Variants in SLC6A6 observed in about 807,000 individuals in gnomAD.
SLC6A6 encodes the protein solute carrier family 6 member 6, also known as sodium- and chloride-dependent taurine transporter.
A neutral mutation model predicts 68.8 loss-of-function variants in SLC6A6; 16 were observed. The observed-to-expected ratio is 0.23, with a 90% confidence interval of 0.16 to 0.35. The LOEUF (loss-of-function observed/expected upper bound fraction) is 0.35. SLC6A6 is among the 10% of genes least tolerant of loss of function. SLC6A6 has a pLI of 1.00. For synonymous variants in SLC6A6, 312 were observed against 315.4 expected (o/e 0.99, Z 0.12); for missense variants, 474 against 802.8 (o/e 0.59, Z 4.95).
chr3:14,477,823 G>A lies in SLC6A6; in HGVS notation c.1347+481G>A, dbSNP rs1054591559. ...AGGGGGCACATACACTATTCAGAGG[G>A]TGAGCAGGGGCCAGGAGGAGGGGCG... On this transcript the variant is annotated intron_variant, in intron 11 of 14. Coordinates refer to ENST00000622186, the MANE Select transcript of SLC6A6 (RefSeq NM_003043.6). The surrounding 1 kb of genome is among the most constrained non-coding windows in gnomAD (Gnocchi z 4.2). 5.3e-5 allele frequency among the ~76,000 whole-genome samples: 8 copies of A among 152,186 alleles called. No homozygotes were observed. The highest frequency in any genetic ancestry group is 1.2e-4 in the Non-Finnish European group (8 of 68,034).
At chr3:14,416,056 C>T (rs1699356678) in intron 1 of SLC6A6, among the ~76,000 whole-genome samples, 1 of 152,112 alleles carries the variant, frequency 6.6e-6, no homozygotes, top group South Asian at 2.1e-4. Context: ...TTTTGGGGAC[C>T]CTGCATCCAA....
chr3:14,436,368 T>C (rs750874353), intron 2 of SLC6A6, among the ~76,000 whole-genome samples: 2 of 149,166 alleles, frequency 1.3e-5, no homozygotes, highest in South Asian at 4.2e-4. Flanking sequence ...ACCTGGCTAA[T>C]TTTTTTTTAA....
rs28391680 is a variant in SLC6A6, at chr3:14,468,856, A to G, written c.1096+644A>G. On this transcript the variant is annotated intron_variant, in intron 9 of 14. Coordinates refer to ENST00000622186, the MANE Select transcript of SLC6A6 (RefSeq NM_003043.6). The surrounding 1 kb of genome is among the most constrained non-coding windows in gnomAD (Gnocchi z 4.5). ...TTGACCAGGCACTCTTCCTCGGGCTACCTGGAGTCACAGGCATGGAGGATG... is the reference window on the plus strand; with the variant it reads ...TTGACCAGGCACTCTTCCTCGGGCTGCCTGGAGTCACAGGCATGGAGGATG... Among the ~76,000 whole-genome samples, 3,099 of 152,226 alleles carry G rather than the reference A, an allele frequency of 0.02. 115 individuals carry two copies. Among genetic ancestry groups the G allele is most frequent in the African/African-American group, 0.07 (2,916 of 41,518 alleles).
At chr3:14,436,513 A>C (rs1699854298) in intron 2 of SLC6A6, among the ~76,000 whole-genome samples, 4 of 95,730 alleles carry the variant, frequency 4.2e-5, no homozygotes, top group African/African-American at 8.2e-5. Flanking sequence ...CAGGAATAGC[A>C]CTCTTAACAA....
chr3:14,449,763 T>C (rs1328050880), intron 5 of SLC6A6, among the ~76,000 whole-genome samples: 1 of 152,052 alleles, frequency 6.6e-6, no homozygotes, highest in Non-Finnish European at 1.5e-5. Flanking sequence ...TACTGTTATT[T>C]TGTTTTTGAG....
In SLC6A6 at chr3:14,468,419, G is replaced by A. The variant is rs1474711931; in HGVS notation, c.1096+207G>A. Among the ~76,000 whole-genome samples the A allele has an allele frequency of 0.012, 2 of 172 alleles. No homozygotes were observed. The highest frequency in any genetic ancestry group is 0.1 in the South Asian group (1 of 10). The allele number at this position is 172 out of a possible 152,430, so 0.1% of individuals were successfully genotyped here. A position where few individuals can be genotyped will look rare whatever the true frequency, so the allele number is the denominator to read the frequency against. ...AACATTTGTATTGCAATTTGGCCCT[G>A]ATGGGTGGCAAAAGCATGGGGGGTG... is the stretch of plus-strand genomic sequence containing the variant. On this transcript the variant is annotated intron_variant, in intron 9 of 14. Coordinates refer to ENST00000622186, the MANE Select transcript of SLC6A6 (RefSeq NM_003043.6). This position sits in a 1 kb window ranked among gnomAD's most constrained non-coding sequence, Gnocchi z 4.5.
intron 2 of SLC6A6, among the ~76,000 whole-genome samples, chr3:14,425,407 A>G (rs1472682113): frequency 6.6e-6 from 1 of 152,174 alleles, no homozygotes; most frequent in Non-Finnish European, 1.5e-5. Flanking sequence ...AGAGGCAGGG[A>G]GGGCCCCTCC....
At chr3:14,437,695 A>G (rs991919241) in intron 2 of SLC6A6, among the ~76,000 whole-genome samples, 3 of 152,098 alleles carry the variant, frequency 2.0e-5, no homozygotes, top group African/African-American at 7.2e-5. Flanking sequence ...ACACCATGAC[A>G]TACATAATAG....
chr3:14,451,620 G>A (rs1700252707), intron 5 of SLC6A6, among the ~76,000 whole-genome samples: 1 of 152,220 alleles, frequency 6.6e-6, no homozygotes, highest in African/African-American at 2.4e-5. Context: ...TGAATTGAAT[G>A]TGATTTTTGG....
In SLC6A6 at chr3:14,450,401, G is replaced by A. The variant is rs559277010; in HGVS notation, c.599+2585G>A. ...AGTATTTATCTTTGGAAAGTGTCTG[G>A]TTCTGCAGGCATCTTCCCAAGCTTC... On this transcript the variant is annotated intron_variant, in intron 5 of 14. Transcript: ENST00000622186. The surrounding 1 kb of genome is among the most constrained non-coding windows in gnomAD (Gnocchi z 4.1). 2.0e-5 allele frequency among the ~76,000 whole-genome samples: 3 copies of A among 152,176 alleles called. No homozygotes were observed. The highest frequency in any genetic ancestry group is 3.9e-4 in the East Asian group (2 of 5,168).
intron 9 of SLC6A6, among the ~76,000 whole-genome samples, chr3:14,469,487 A>G (rs1269531107): frequency 6.6e-6 from 1 of 152,206 alleles, no homozygotes; most frequent in African/African-American, 2.4e-5. Flanking sequence ...AAGGTGCCTC[A>G]GCATCGCGTG....
At position 14,450,061 on chromosome 3, in the gene SLC6A6, T is replaced by C. The variant is rs1700220703; in HGVS notation, c.599+2245T>C. Among the ~76,000 whole-genome samples, 1 of 152,158 alleles carries C rather than the reference T, an allele frequency of 6.6e-6. No homozygotes were observed. The highest frequency in any genetic ancestry group is 2.1e-4 in the South Asian group (1 of 4,830). Reference sequence around the variant, plus strand: ...CACTGTGCCTGGCCAGAATCCATTATTATTTATCGAGTGCCCTCATAGTGC... The same window carrying C: ...CACTGTGCCTGGCCAGAATCCATTACTATTTATCGAGTGCCCTCATAGTGC... On this transcript the variant is annotated intron_variant, in intron 5 of 14. Transcript: ENST00000622186. The surrounding 1 kb of genome is among the most constrained non-coding windows in gnomAD (Gnocchi z 4.1).
intron 2 of SLC6A6, among the ~76,000 whole-genome samples, chr3:14,442,817 C>G (rs550468605): frequency 6.6e-6 from 1 of 152,330 alleles, no homozygotes; most frequent in East Asian, 1.9e-4. Context: ...GCAAGGGAAC[C>G]TGGCTTATAG....
intron 2 of SLC6A6, among the ~76,000 whole-genome samples, chr3:14,426,721 A>T (rs1409114642): frequency 6.6e-6 from 1 of 152,206 alleles, no homozygotes; most frequent in Non-Finnish European, 1.5e-5. Flanking sequence ...TGGAATTAGG[A>T]GAACCAAGGG....
rs567780808 is a variant in SLC6A6, at chr3:14,442,411, T to C, written c.-11-1213T>C. On this transcript the variant is annotated intron_variant, in intron 2 of 14. Transcript: ENST00000622186. ...GCCTAGTAGCTCTGGTTTTCCCAGC[T>C]CATCCGTTTTCTGTGTCCCTCTGTT... 1.5e-3 allele frequency among the ~76,000 whole-genome samples: 226 copies of C among 152,318 alleles called. 1 individual carries two copies. Among genetic ancestry groups the C allele is most frequent in the African/African-American group, 5.3e-3 (222 of 41,564 alleles).
chr3:14,466,382 C>T, intron 6 of SLC6A6, 134 bp from the exon 7 acceptor site: 1 of 986,856 alleles, frequency 1.0e-6, no homozygotes, highest in African/African-American at 1.6e-5. Context: ...GGCCGCACAG[C>T]AAGTAAGACA....
chr3:14,428,816 T>G (rs907264999), intron 2 of SLC6A6, among the ~76,000 whole-genome samples: 12 of 152,164 alleles, frequency 7.9e-5, no homozygotes, highest in African/African-American at 2.9e-4. Flanking sequence ...AGGTGGTGTT[T>G]AAGGGACAGG....
At chr3:14,405,266 G>A (rs1194792383) in intron 1 of SLC6A6, among the ~76,000 whole-genome samples, 1 of 152,146 alleles carries the variant, frequency 6.6e-6, no homozygotes, top group Non-Finnish European at 1.5e-5. Context: ...CTTCCCCTGA[G>A]CCCTGCTACC....
At chr3:14,426,340 T>C (rs1699598484) in intron 2 of SLC6A6, among the ~76,000 whole-genome samples, 1 of 151,886 alleles carries the variant, frequency 6.6e-6, no homozygotes, top group Non-Finnish European at 1.5e-5. Flanking sequence ...CCCCCAGCCA[T>C]CCCAAAGGGT....
Sources: gnomAD v4.1 joint callset for allele counts (sites outside exome capture counted in the v4.1 genomes callset) on GRCh38, gnomAD v4.1.1 for gene constraint, Gnocchi (gnomAD v3.1) non-coding constraint, MANE v1.5 for transcripts, NCBI Gene and HGNC (gene_info 2026-07-23, HGNC 2026-07-21) for gene names.